OCA2: variants seen among roughly 807,000 people sequenced by gnomAD.
The protein encoded by OCA2 is OCA2 melanosomal transmembrane protein.
In OCA2, 77 loss-of-function variants were observed where a neutral mutation model predicts 100.2. The observed-to-expected ratio is 0.77, with a 90% CI of 0.64 to 0.93. The LOEUF (loss-of-function observed/expected upper bound fraction) is 0.93. OCA2 is among the 40% of genes least tolerant of loss of function. The probability of loss-of-function intolerance (pLI) is 0.00; values close to 1 mark genes in which losing one functional copy is unlikely to be tolerated. For synonymous variants in OCA2, 432 were observed against 439.2 expected (o/e 0.98, Z 0.21); for missense variants, 1,062 against 1,089.1 (o/e 0.98, Z 0.35).
intron 2 of OCA2, among the ~76,000 whole-genome samples, chr15:28,063,472 T>C (rs987355819): frequency 2.0e-5 from 3 of 152,190 alleles, no homozygotes; most frequent in African/African-American, 7.2e-5. Flanking sequence ...GCCTCATGTT[T>C]TTTTCTGTTC....
rs62007486 is a variant in OCA2 at position 28,035,437 on chromosome 15, T to A, written c.228-3274A>T. On this transcript the variant is annotated intron_variant, in intron 2 of 23. Coordinates refer to ENST00000354638, the MANE Select transcript of OCA2 (RefSeq NM_000275.3). ...GCACCAAGGAGGCCTTGGGGCCCTG[T>A]TGCTTGATAGAATCCCTGGCCTGTG... Among the ~76,000 whole-genome samples the A allele has an allele frequency of 2.5e-3, 385 of 152,312 alleles. 1 individual carries two copies. The highest frequency in any genetic ancestry group is 4.0e-3 in the Non-Finnish European group (273 of 68,028).
intron 23 of OCA2, among the ~76,000 whole-genome samples, chr15:27,827,226 G>A (rs913703614): frequency 2.0e-5 from 3 of 152,160 alleles, no homozygotes; most frequent in Non-Finnish European, 2.9e-5. Context: ...GGAAAGCATC[G>A]AGTCATGCAG....
chr15:28,087,703 T>A (rs2044801818), intron 1 of OCA2, among the ~76,000 whole-genome samples: 1 of 152,142 alleles, frequency 6.6e-6, no homozygotes, highest in Non-Finnish European at 1.5e-5. Context: ...GTCAGGATTG[T>A]GCCACTGCAC....
intron 22 of OCA2, among the ~76,000 whole-genome samples, 158 bp from the exon 23 acceptor site, chr15:27,845,210 C>T (rs192531817): frequency 1.9e-4 from 29 of 152,238 alleles, no homozygotes; most frequent in Admixed American, 1.6e-3. Context: ...CACACACACA[C>T]GCAAGCAAGC....
At chr15:28,070,424 C>T (rs1442483957) in intron 2 of OCA2, among the ~76,000 whole-genome samples, 1 of 128,894 alleles carries the variant, frequency 7.8e-6, no homozygotes, top group African/African-American at 3.6e-5. Flanking sequence ...CCAGCCACCC[C>T]GTCCGGGAGG....
the OCA2 span, among the ~76,000 whole-genome samples, chr15:27,721,973 G>C: frequency 6.6e-6 from 1 of 152,176 alleles, no homozygotes; most frequent in African/African-American, 2.4e-5. Flanking sequence ...TTCTAAAATT[G>C]ATGGAGACAC....
intron 23 of OCA2, among the ~76,000 whole-genome samples, chr15:27,791,462 G>T (rs890817164): frequency 6.6e-6 from 1 of 152,160 alleles, no homozygotes; most frequent in Admixed American, 6.5e-5. Context: ...AAGCTGTAGT[G>T]GGAGAACAGC....
chr15:27,734,895 A>G, the OCA2 span, among the ~76,000 whole-genome samples: 8 of 152,236 alleles, frequency 5.3e-5, no homozygotes, highest in African/African-American at 1.9e-4. Context: ...CAAAGTCTGA[A>G]ATAAGCTCCT....
At chr15:27,982,594 C>T in intron 14 of OCA2, among the ~76,000 whole-genome samples, 1 of 152,186 alleles carries the variant, frequency 6.6e-6, no homozygotes, top group Non-Finnish European at 1.5e-5. Flanking sequence ...ACCCTGGAGC[C>T]ATGGATTCTC....
chr15:27,734,125 A>C, the OCA2 span, among the ~76,000 whole-genome samples: 1 of 148,342 alleles, frequency 6.7e-6, no homozygotes, highest in East Asian at 2.0e-4. Flanking sequence ...ACACCACTGC[A>C]CTCCAGATAG....
At chr15:27,784,856 A>C (rs2032726270) in intron 23 of OCA2, among the ~76,000 whole-genome samples, 1 of 151,196 alleles carries the variant, frequency 6.6e-6, no homozygotes, top group African/African-American at 2.4e-5. Context: ...AACATCCAGC[A>C]TGTGTAATCA....
intron 23 of OCA2, among the ~76,000 whole-genome samples, chr15:27,831,602 G>C (rs2034960122): frequency 6.6e-6 from 1 of 152,240 alleles, no homozygotes; most frequent in African/African-American, 2.4e-5. Flanking sequence ...TGTTCTGCCA[G>C]CCAAGAGTGG....
intron 23 of OCA2, among the ~76,000 whole-genome samples, chr15:27,813,318 C>T (rs980654946): frequency 1.3e-5 from 2 of 152,140 alleles, no homozygotes; most frequent in East Asian, 3.9e-4. Flanking sequence ...CTCTCCCCTC[C>T]ACCCTCCTGA....
intron 3 of OCA2, among the ~76,000 whole-genome samples, chr15:28,029,551 T>C (rs1453373597): frequency 1.3e-5 from 2 of 152,212 alleles, no homozygotes; most frequent in Non-Finnish European, 1.5e-5. Context: ...ATGTGCTATT[T>C]GTCACTTGAA....
rs368293640 is a variant in OCA2, at chr15:27,824,578, TTCTC to T, written c.2432+20377_2432+20380del. Among the ~76,000 whole-genome samples the T allele has an allele frequency of 1.1e-4, 6 of 53,640 alleles. 1 individual carries two copies. Among genetic ancestry groups the T allele is most frequent in the Non-Finnish European group, 1.7e-4 (6 of 35,282 alleles). The allele number at this position is 53,640 out of a possible 152,430, so 35.2% of individuals were successfully genotyped here. A position where few individuals can be genotyped will look rare whatever the true frequency, so the allele number is the denominator to read the frequency against. Reference sequence around the variant, plus strand: ...CTAATTTCTTTTGAATAAATACAATTTCTCTCTCTCTCTCTCTCTCTCTCTATAT... The same window carrying T: ...CTAATTTCTTTTGAATAAATACAATTTCTCTCTCTCTCTCTCTCTCTATAT... On this transcript the variant is annotated intron_variant, in intron 23 of 23. Transcript: ENST00000354638.
At chr15:27,886,816 A>G (rs2037240856) in intron 19 of OCA2, among the ~76,000 whole-genome samples, 1 of 152,246 alleles carries the variant, frequency 6.6e-6, no homozygotes, top group African/African-American at 2.4e-5. Flanking sequence ...ACACCTATAA[A>G]CCCTGGGAAT....
intron 23 of OCA2, among the ~76,000 whole-genome samples, chr15:27,769,243 T>TG (rs1262021149): frequency 2.6e-5 from 4 of 152,226 alleles, no homozygotes; most frequent in Admixed American, 2.0e-4. Flanking sequence ...GGAAGGCACT[T>TG]GCGTGTCAAA....
At chr15:27,953,837 G>C (rs1280948723) in intron 17 of OCA2, among the ~76,000 whole-genome samples, 1 of 151,620 alleles carries the variant, frequency 6.6e-6, no homozygotes, top group African/African-American at 2.4e-5. Flanking sequence ...GGTGATTTCT[G>C]AGATTTTTGG....
At chr15:28,055,467 C>T (rs965602038) in intron 2 of OCA2, among the ~76,000 whole-genome samples, 11 of 152,186 alleles carry the variant, frequency 7.2e-5, no homozygotes, top group African/African-American at 2.7e-4. Context: ...TGCAGAAGTT[C>T]GAGGGCTTTG....
Sources: gnomAD v4.1 joint callset for allele counts (sites outside exome capture counted in the v4.1 genomes callset) on GRCh38, gnomAD v4.1.1 for gene constraint, MANE v1.5 for transcripts, NCBI Gene and HGNC (gene_info 2026-07-23, HGNC 2026-07-21) for gene names.